The following SYCP2 variants were observed in gnomAD, a reference collection of about 807,000 sequenced individuals.
The protein encoded by SYCP2 is synaptonemal complex protein 2, also known as synaptonemal complex lateral element protein.
A neutral mutation model predicts 211.3 loss-of-function variants in SYCP2; 55 were observed. The ratio of observed to expected loss-of-function variants is 0.26; its 90% confidence interval spans 0.21 to 0.33. The LOEUF (loss-of-function observed/expected upper bound fraction) is 0.33, where lower values mean the gene tolerates loss of function less well. Among genes scored for constraint, SYCP2 ranks in the 10% least tolerant of loss-of-function variants. The pLI is 1.00. For synonymous variants in SYCP2, 570 were observed against 555.2 expected, an observed-to-expected ratio of 1.03 and a Z score of -0.37; for missense variants, 1,731 against 1,752.0, an observed-to-expected ratio of 0.99 and a Z score of 0.21.
In SYCP2 at chr20:59,893,529, T is replaced by A. The variant is rs1171293805; in HGVS notation, c.1730A>T (p.Asn577Ile). ...TTAAACCACAAGGTACTTACTAAAA[T>A]TTTGGTTTGGGAATTCAACATTCTT... ...ENKNVEFPNQ[N>I]FSELQDVIPD... is the part of the protein sequence containing the mutation. Residue 577 changes from asparagine to isoleucine, a missense_variant, in exon 21 of 45, where the codon AAT becomes ATT. By Grantham distance (149) the Asn-to-Ile change is moderately radical. Coordinates refer to ENST00000357552, the MANE Select transcript of SYCP2 (RefSeq NM_014258.4). The A allele has an allele frequency of 3.7e-6, 6 of 1,603,646 alleles. No homozygotes were observed. Among genetic ancestry groups the A allele is most frequent in the Non-Finnish European group, 4.3e-6 (5 of 1,172,804 alleles).
At chr20:59,911,090 G>C (rs543953751) in intron 14 of SYCP2, among the ~76,000 whole-genome samples, 16 of 152,292 alleles carry the variant, frequency 1.1e-4, no homozygotes, top group African/African-American at 3.6e-4. Context: ...GCCACAACCA[G>C]ATTAGTAAAT....
intron 2 of SYCP2, among the ~76,000 whole-genome samples, chr20:59,930,150 A>G (rs777045589): frequency 3.3e-5 from 5 of 152,166 alleles, no homozygotes; most frequent in Admixed American, 6.5e-5. Flanking sequence ...ATTCATTCTC[A>G]TAACTCTATC....
rs554852559 is a variant in SYCP2 at position 59,874,728 on chromosome 20, G to T, written c.3349+543C>A. ...AAGGAAACAAAAATGGTATAAAAAGGGCAAACTTATACTTTCTATACTAGA... is the reference window on the plus strand; with the variant it reads ...AAGGAAACAAAAATGGTATAAAAAGTGCAAACTTATACTTTCTATACTAGA... On this transcript the variant is annotated intron_variant, in intron 34 of 44. Transcript: ENST00000357552. Among the ~76,000 whole-genome samples the T allele has an allele frequency of 2.6e-5, 4 of 151,936 alleles. No homozygotes were observed. In the South Asian group the frequency reaches 8.3e-4, roughly 32 times the overall value.
chr20:59,900,251 C>T lies in SYCP2; in HGVS notation c.1291G>A (p.Gly431Arg), dbSNP rs768778759. The change falls in exon 18 of 45, where the codon GGA becomes AGA. Residue 431 changes from glycine to arginine, a missense_variant. Physicochemically the swap from Gly to Arg is moderately radical, Grantham distance 125. Coordinates refer to ENST00000357552, the MANE Select transcript of SYCP2 (RefSeq NM_014258.4). ...TCCTTTAAACTAACGAGCTCTTCTCCGACTGGTGAGATTTGACTTTCTGGC... is the reference window on the plus strand; with the variant it reads ...TCCTTTAAACTAACGAGCTCTTCTCTGACTGGTGAGATTTGACTTTCTGGC... ...LVPESQISPV[G>R]EELVSLKEKS... The T allele has an allele frequency of 3.1e-6, 5 of 1,610,234 alleles. No individual in the cohort carries two copies. Among genetic ancestry groups the T allele is most frequent in the Non-Finnish European group, 3.4e-6 (4 of 1,178,956 alleles).
intron 9 of SYCP2, 120 bp downstream of exon 9, chr20:59,915,345 T>C: frequency 1.0e-6 from 1 of 975,314 alleles, no homozygotes; most frequent in Non-Finnish European, 1.6e-6. Context: ...TACACTAAAT[T>C]ATATTAAAAA....
chr20:59,890,095 C>T (rs1479873663), intron 24 of SYCP2, among the ~76,000 whole-genome samples: 1 of 152,106 alleles, frequency 6.6e-6, no homozygotes, highest in Admixed American at 6.6e-5. Context: ...AAGACACATG[C>T]ACATGTATGT....
chr20:59,882,988 G>T (rs899045243), intron 26 of SYCP2, among the ~76,000 whole-genome samples: 1 of 151,994 alleles, frequency 6.6e-6, no homozygotes, highest in Non-Finnish European at 1.5e-5. Context: ...TCTTACATTT[G>T]TAACATTCTC....
intron 24 of SYCP2, among the ~76,000 whole-genome samples, chr20:59,890,842 G>A (rs1301551650): frequency 6.6e-6 from 1 of 151,500 alleles, no homozygotes; most frequent in Non-Finnish European, 1.5e-5. Context: ...TAAATTTAAA[G>A]ACAGATCTTT....
At chr20:59,870,615 G>T (rs1408650117) in intron 35 of SYCP2, among the ~76,000 whole-genome samples, 1 of 151,692 alleles carries the variant, frequency 6.6e-6, no homozygotes, top group Non-Finnish European at 1.5e-5. Flanking sequence ...TTGAAAAATG[G>T]CAATTCTTCC....
chr20:59,867,686 A>T, intron 39 of SYCP2, 25 bp downstream of exon 39: 5 of 1,579,954 alleles, frequency 3.2e-6, no homozygotes, highest in South Asian at 1.1e-5. Flanking sequence ...ATTGGGTATA[A>T]ATCATAATTT....
chr20:59,924,493 G>A (rs1305003573), intron 2 of SYCP2, among the ~76,000 whole-genome samples: 2 of 151,904 alleles, frequency 1.3e-5, no homozygotes, highest in African/African-American at 4.8e-5. Flanking sequence ...GTCCTCAAAG[G>A]ATCAGTGCTT....
In SYCP2 at chr20:59,880,315, T is replaced by A. The variant is rs199644352; in HGVS notation, c.2929A>T (p.Ser977Cys). The A allele has an allele frequency of 2.5e-6, 4 of 1,582,792 alleles. No homozygotes were observed. The highest frequency in any genetic ancestry group is 3.4e-6 in the Non-Finnish European group (4 of 1,162,678). ...SRNKNVKNHK[S>C]GKSRSSLEKG... Reference sequence around the variant, plus strand: ...GATAATTTCTTACTTGATTTTCCACTTTTATGATTCTTCACATTTTTATTT... The same window carrying A: ...GATAATTTCTTACTTGATTTTCCACATTTATGATTCTTCACATTTTTATTT... The change falls in exon 31 of 45, where the codon AGT becomes TGT. Residue 977 changes from serine to cysteine, a missense_variant. Transcript: ENST00000357552.
intron 2 of SYCP2, among the ~76,000 whole-genome samples, chr20:59,925,075 TGCAATAA>T (rs1298747535): frequency 5.9e-5 from 9 of 152,066 alleles, no homozygotes; most frequent in Non-Finnish European, 1.0e-4. Context: ...CTTCATGACC[TGCAATAA>T]GCAATAAGCA....
intron 4 of SYCP2, among the ~76,000 whole-genome samples, chr20:59,920,741 CAATG>C (rs1438860928): frequency 1.3e-5 from 2 of 151,526 alleles, no homozygotes; most frequent in Non-Finnish European, 3.0e-5. Flanking sequence ...TACTATGATA[CAATG>C]AATCAGCAAC....
At chr20:59,875,212 ATTAGAG>A in intron 34 of SYCP2, 53 bp downstream of exon 34, 2 of 1,102,856 alleles carry the variant, frequency 1.8e-6, no homozygotes, top group Non-Finnish European at 2.6e-6. Flanking sequence ...TTTTCCCATA[ATTAGAG>A]TTATAGAAAA....
At chr20:59,903,807 T>C (rs1485886827) in intron 15 of SYCP2, among the ~76,000 whole-genome samples, 5 of 152,172 alleles carry the variant, frequency 3.3e-5, no homozygotes, top group African/African-American at 1.2e-4. Flanking sequence ...ATGGCAACTA[T>C]GGACATGGAA....
At chr20:59,913,639 C>T (rs888828211) in intron 12 of SYCP2, among the ~76,000 whole-genome samples, 20 of 151,732 alleles carry the variant, frequency 1.3e-4, no homozygotes, top group Non-Finnish European at 4.4e-5. Context: ...TTTTATTATC[C>T]CTCAAACATT....
chr20:59,887,580 T>C (rs1262935072), intron 24 of SYCP2, among the ~76,000 whole-genome samples: 2 of 152,132 alleles, frequency 1.3e-5, no homozygotes, highest in South Asian at 2.1e-4. Flanking sequence ...CACACTGTCT[T>C]CCACAATGGT....
At chr20:59,866,185 C>T in intron 41 of SYCP2, 108 bp downstream of exon 41, 1 of 609,184 alleles carries the variant, frequency 1.6e-6, no homozygotes, top group Non-Finnish European at 2.7e-6. Flanking sequence ...AAATTATTTT[C>T]TGAACAAAAA....
Sources: allele counts gnomAD v4.1 joint callset (sites outside exome capture counted in the v4.1 genomes callset), GRCh38; gene constraint gnomAD v4.1.1; transcripts MANE v1.5; gene names NCBI Gene and HGNC (gene_info 2026-07-23, HGNC 2026-07-21).